NSUN6: variants seen among roughly 807,000 people sequenced by gnomAD.
NSUN6 encodes the protein tRNA (cytosine(72)-C(5))-methyltransferase NSUN6.
NSUN6 carries 64 observed loss-of-function variants against 58.0 expected under a neutral mutation model. The observed-to-expected ratio is 1.10, with a 90% CI of 0.90 to 1.36. The LOEUF is 1.36. Among genes scored for constraint, NSUN6 ranks in the 40% most tolerant of loss-of-function variants. The pLI is 0.00. For missense variants in NSUN6, 701 were observed against 550.1 expected, an observed-to-expected ratio of 1.27 and a Z score of -2.74; for synonymous variants, 231 against 193.9, an observed-to-expected ratio of 1.19 and a Z score of -1.59.
Position 18,596,304 on chromosome 10 carries a change from A to T in NSUN6, c.681T>A (p.Ser227Arg). The change falls in exon 7 of 11, where the codon AGT (serine) becomes AGA (arginine). Residue 227 changes from serine to arginine, a missense_variant. Ser to Arg is a moderately radical substitution (Grantham distance 110). Transcript: ENST00000377304. ...CTCCAGGTTGAGGATTTAGTACATG[A>T]CTTACTAAGGCAGATGGCAAATTCT... ...FLQNLPSALVSHVLNPQPGEK... is the reference protein window; with the variant it reads ...FLQNLPSALVRHVLNPQPGEK... 1.3e-6 allele frequency: 2 copies of T among 1,590,352 alleles called. No homozygotes were observed. The highest frequency in any genetic ancestry group is 1.7e-6 in the Non-Finnish European group (2 of 1,158,316).
rs2055784504 is a variant in NSUN6, at chr10:18,564,634, C to A, written c.923-12663G>T. Among the ~76,000 whole-genome samples the A allele has an allele frequency of 4.6e-5, 7 of 151,310 alleles. No individual in the cohort carries two copies. The South Asian group carries it at 1.3e-3, about 27-fold the overall frequency. ...TCTCCATTCCAGCTCACTCTCCCTTCCATTCCATTCCACACTGCATTCCAC... is the reference window on the plus strand; with the variant it reads ...TCTCCATTCCAGCTCACTCTCCCTTACATTCCATTCCACACTGCATTCCAC... On this transcript the variant is annotated intron_variant, in intron 8 of 10. Coordinates refer to ENST00000377304, the MANE Select transcript of NSUN6 (RefSeq NM_182543.5).
At chr10:18,582,996 T>C (rs1444994852) in intron 8 of NSUN6, among the ~76,000 whole-genome samples, 1 of 152,172 alleles carries the variant, frequency 6.6e-6, no homozygotes, top group Admixed American at 6.5e-5. Flanking sequence ...CCCTGTGACC[T>C]GCACATACAC....
intron 3 of NSUN6, among the ~76,000 whole-genome samples, chr10:18,622,073 C>T (rs1457426625): frequency 6.6e-6 from 1 of 151,932 alleles, no homozygotes; most frequent in South Asian, 2.1e-4. Flanking sequence ...CACACACACA[C>T]AAAAATTGAA....
chr10:18,577,013 T>C (rs1233458363), intron 8 of NSUN6, among the ~76,000 whole-genome samples: 9 of 152,170 alleles, frequency 5.9e-5, no homozygotes, highest in Non-Finnish European at 4.4e-5. Flanking sequence ...TGAGATCAAA[T>C]AGCTGCAGGA....
intron 3 of NSUN6, among the ~76,000 whole-genome samples, chr10:18,620,143 A>G (rs1198208019): frequency 2.0e-5 from 3 of 150,860 alleles, no homozygotes; most frequent in African/African-American, 7.3e-5. Flanking sequence ...GCTGGAGTGC[A>G]GTTGCGCCAT....
At chr10:18,563,896 C>T (rs1205352321) in intron 8 of NSUN6, among the ~76,000 whole-genome samples, 3 of 149,062 alleles carry the variant, frequency 2.0e-5, no homozygotes, top group Non-Finnish European at 4.5e-5. Flanking sequence ...TCCATTCCAT[C>T]CTCCATTACA....
At position 18,642,501 on chromosome 10, in the gene NSUN6, A is replaced by C; in HGVS notation, c.286T>G (p.Leu96Val). ...CTGGGTCCAATAACAGGAATAAGTA[A>C]CACATCTTGAAGGTCTGGATGTTGA... The part of the protein sequence containing the change: ...ILQHPDLQDV[L>V]LIPVIGPRKN... The change falls in exon 3 of 11, where the codon TTA (leucine) becomes GTA (valine). Residue 96 changes from leucine to valine, a missense_variant. Physicochemically the swap from Leu to Val is conservative, Grantham distance 32. Transcript: ENST00000377304. The C allele has an allele frequency of 6.5e-7, 1 of 1,547,410 alleles. No homozygotes were observed. The highest frequency in any genetic ancestry group is 8.9e-7 in the Non-Finnish European group (1 of 1,120,190).
chr10:18,634,126 A>G (rs1274212915), intron 3 of NSUN6, among the ~76,000 whole-genome samples: 1 of 152,256 alleles, frequency 6.6e-6, no homozygotes, highest in Non-Finnish European at 1.5e-5. Flanking sequence ...GCACACACAT[A>G]CACAAAAAGC....
At chr10:18,566,607 A>C (rs1336685947) in intron 8 of NSUN6, among the ~76,000 whole-genome samples, 1 of 148,616 alleles carries the variant, frequency 6.7e-6, no homozygotes, top group Non-Finnish European at 1.5e-5. Context: ...TCCATTCTCC[A>C]GTCCCTTCCA....
intron 3 of NSUN6, among the ~76,000 whole-genome samples, chr10:18,619,956 T>C (rs529087800): frequency 7.2e-5 from 11 of 152,190 alleles, no homozygotes; most frequent in Non-Finnish European, 1.6e-4. Flanking sequence ...AACATCCCTT[T>C]TTTTTTAAAT....
intron 8 of NSUN6, among the ~76,000 whole-genome samples, chr10:18,583,979 G>A (rs746528164): frequency 7.2e-5 from 11 of 152,074 alleles, no homozygotes; most frequent in African/African-American, 1.2e-4. Context: ...CCCCTCACCA[G>A]ACATACCCTG....
chr10:18,576,747 C>T (rs2056668559), intron 8 of NSUN6, among the ~76,000 whole-genome samples: 1 of 152,178 alleles, frequency 6.6e-6, no homozygotes, highest in African/African-American at 2.4e-5. Context: ...GCTTACCAGT[C>T]AGTCAGCCCT....
chr10:18,557,022 G>C (rs935789514), intron 8 of NSUN6, among the ~76,000 whole-genome samples: 2 of 151,238 alleles, frequency 1.3e-5, no homozygotes, highest in Non-Finnish European at 3.0e-5. Context: ...ATAGATAGTG[G>C]AATGGAGAAT....
intron 3 of NSUN6, among the ~76,000 whole-genome samples, chr10:18,619,563 C>A (rs1478225868): frequency 6.6e-6 from 1 of 152,154 alleles, no homozygotes; most frequent in African/African-American, 2.4e-5. Context: ...GCATTCCTAA[C>A]CTCTAATATA....
intron 8 of NSUN6, among the ~76,000 whole-genome samples, chr10:18,568,681 G>A (rs534285603): frequency 2.1e-5 from 3 of 139,942 alleles, no homozygotes; most frequent in African/African-American, 8.0e-5. Flanking sequence ...ATTCCATTCT[G>A]CATTCCATTC....
At chr10:18,569,126 T>C (rs1180691577) in intron 8 of NSUN6, among the ~76,000 whole-genome samples, 4 of 150,922 alleles carry the variant, frequency 2.7e-5, no homozygotes, top group Non-Finnish European at 5.9e-5. Context: ...CGTTACATTC[T>C]CCATTCCATT....
upstream of NSUN6, among the ~76,000 whole-genome samples, chr10:18,658,913 A>T (rs1166358623): frequency 2.0e-5 from 3 of 152,230 alleles, no homozygotes; most frequent in Non-Finnish European, 4.4e-5. Context: ...TTAATAAATG[A>T]ATGAAGAAGA....
At chr10:18,638,676 T>A (rs1345445591) in intron 3 of NSUN6, among the ~76,000 whole-genome samples, 1 of 152,096 alleles carries the variant, frequency 6.6e-6, no homozygotes, top group Non-Finnish European at 1.5e-5. Flanking sequence ...GGAAATACTA[T>A]GTGGCCTGAA....
chr10:18,639,580 T>C lies in NSUN6; in HGVS notation c.311+2896A>G, dbSNP rs115105426. Among the ~76,000 whole-genome samples, 874 of 152,364 alleles carry C rather than the reference T, an allele frequency of 5.7e-3. 6 individuals carry two copies. Among genetic ancestry groups the C allele is most frequent in the African/African-American group, 0.02 (827 of 41,590 alleles). On this transcript the variant is annotated intron_variant, in intron 3 of 10. Transcript: ENST00000377304. ...AAAACAAAAAGTAATTGACTTATTC[T>C]TTTTAAGAATGAAAGGTGGGTATGT... is the stretch of plus-strand genomic sequence containing the variant.
Sources: gnomAD v4.1 joint callset for allele counts (sites outside exome capture counted in the v4.1 genomes callset) on GRCh38, gnomAD v4.1.1 for gene constraint, MANE v1.5 for transcripts, NCBI Gene and HGNC (gene_info 2026-07-23, HGNC 2026-07-21) for gene names.